KLC1: variants seen among roughly 807,000 people sequenced by gnomAD.
KLC1 encodes kinesin light chain 1, also known as kinesin 2 60/70kDa.
KLC1 carries 30 observed loss-of-function variants against 84.2 expected under a neutral mutation model. The ratio of observed to expected loss-of-function variants is 0.36; its 90% CI spans 0.27 to 0.48. The LOEUF is 0.48. Among genes scored for constraint, KLC1 ranks in the 20% least tolerant of loss-of-function variants. The pLI, the probability that KLC1 is intolerant of heterozygous loss-of-function variation, is 0.99. For synonymous variants in KLC1, 289 were observed against 293.3 expected (o/e 0.99, Z 0.15); for missense variants, 499 against 805.4 (o/e 0.62, Z 4.60).
chr14:103,666,329 C>T (rs1338445145), intron 5 of KLC1, among the ~76,000 whole-genome samples: 2 of 152,096 alleles, frequency 1.3e-5, no homozygotes, highest in Non-Finnish European at 2.9e-5. Context: ...TCCCAAAGTG[C>T]TGGGATTACA....
At chr14:103,698,733 T>G in intron 15 of KLC1, 1 of 1,468,012 alleles carries the variant, frequency 6.8e-7, no homozygotes, top group Non-Finnish European at 9.3e-7. Flanking sequence ...GCAGACGCGT[T>G]TTAAAGGCCC....
intron 1 of KLC1, among the ~76,000 whole-genome samples, chr14:103,642,783 T>C (rs1333388641): frequency 1.3e-5 from 2 of 151,550 alleles, no homozygotes; most frequent in Non-Finnish European, 3.0e-5. Flanking sequence ...TTTTTTTTTT[T>C]TTGAGACGGA....
chr14:103,688,610 C>T (rs987439652), intron 14 of KLC1, among the ~76,000 whole-genome samples: 2 of 152,216 alleles, frequency 1.3e-5, no homozygotes, highest in Non-Finnish European at 2.9e-5. Flanking sequence ...GGCTCACCCT[C>T]TTGTCCGCTT....
intron 7 of KLC1, among the ~76,000 whole-genome samples, chr14:103,672,025 A>T (rs1437593527): frequency 6.6e-6 from 1 of 152,186 alleles, no homozygotes; most frequent in African/African-American, 2.4e-5. Flanking sequence ...AGTTCCTCCC[A>T]CTAGGACACA....
intron 13 of KLC1, 66 bp from the exon 14 acceptor site, chr14:103,687,015 G>C (rs907868609): frequency 4.4e-6 from 6 of 1,376,844 alleles, no homozygotes; most frequent in Non-Finnish European, 4.0e-6. Context: ...ATTTGCACCC[G>C]GTGTGGCTCT....
In KLC1 at chr14:103,694,081, G is replaced by C. The variant is rs1208272279; in HGVS notation, c.1848+1656G>C. 1 of 986,774 alleles carries C rather than the reference G, an allele frequency of 1.0e-6. No homozygotes were observed. Among genetic ancestry groups the C allele is most frequent in the African/African-American group, 1.7e-5 (1 of 57,270 alleles). The allele number at this position is 986,774 out of a possible 1,614,324, so 61.1% of individuals were successfully genotyped here. A position where few individuals can be genotyped will look rare whatever the true frequency, so the allele number is the denominator to read the frequency against. On this transcript the variant is annotated intron_variant, in intron 15 of 16. Transcript: ENST00000334553. The surrounding 1 kb of genome is among the most constrained non-coding windows in gnomAD (Gnocchi z 4.5). Reference sequence around the variant, plus strand: ...GTGATCTATGGCAGTAAAGCCTGAAGCTTAGCGGACACTGGTCAGTGGGAA... The same window carrying C: ...GTGATCTATGGCAGTAAAGCCTGAACCTTAGCGGACACTGGTCAGTGGGAA...
chr14:103,684,673 C>G (rs1270879800), intron 13 of KLC1: 1 of 263,582 alleles, frequency 3.8e-6, no homozygotes, highest in African/African-American at 2.2e-5. Context: ...CAGCTTGCTA[C>G]TCCAGCAGCT....
intron 15 of KLC1, chr14:103,695,716 C>G: frequency 1.0e-6 from 1 of 985,430 alleles, no homozygotes; most frequent in South Asian, 4.7e-5. Context: ...CTCTGTGGAG[C>G]CTGCTGTGGC....
At chr14:103,679,319 C>A in intron 12 of KLC1, 65 bp from the exon 13 acceptor site, 3 of 1,491,534 alleles carry the variant, frequency 2.0e-6, no homozygotes, top group South Asian at 1.2e-5. Flanking sequence ...CGAAGTATCT[C>A]AGAAATACCT....
At chr14:103,681,876 A>G (rs903611873) in intron 13 of KLC1, among the ~76,000 whole-genome samples, 3 of 152,238 alleles carry the variant, frequency 2.0e-5, no homozygotes, top group African/African-American at 7.2e-5. Context: ...AAATATTAAC[A>G]CGGTTCAGGT....
chr14:103,638,456 C>T (rs959669917), intron 1 of KLC1, among the ~76,000 whole-genome samples: 3 of 151,634 alleles, frequency 2.0e-5, no homozygotes, highest in African/African-American at 7.3e-5. Context: ...AATGTATTCT[C>T]TGTTTTGTGC....
chr14:103,662,271 A>G, intron 4 of KLC1, 77 bp downstream of exon 4: 1 of 1,213,262 alleles, frequency 8.2e-7, no homozygotes, highest in Admixed American at 1.7e-5. Flanking sequence ...CATAGCAATC[A>G]GTGGCAGCCT....
intron 2 of KLC1, among the ~76,000 whole-genome samples, chr14:103,656,080 A>C (rs1405296161): frequency 6.6e-6 from 1 of 152,146 alleles, no homozygotes; most frequent in Non-Finnish European, 1.5e-5. Context: ...GGGGACTGAG[A>C]GTGAGCTCCA....
At chr14:103,698,580 G>T in intron 15 of KLC1, 1 of 596,230 alleles carries the variant, frequency 1.7e-6, no homozygotes, top group Non-Finnish European at 3.0e-6. Context: ...AAGCGGGCCT[G>T]TCCCCAGACC....
At chr14:103,645,309 C>CT (rs998613731) in intron 1 of KLC1, among the ~76,000 whole-genome samples, 2 of 151,994 alleles carry the variant, frequency 1.3e-5, no homozygotes, top group Non-Finnish European at 2.9e-5. Context: ...ATTTGCCTGT[C>CT]TTTTTTTTGG....
intron 15 of KLC1, chr14:103,696,675 G>A (rs984657910): frequency 1.6e-5 from 16 of 985,406 alleles, no homozygotes; most frequent in African/African-American, 1.7e-5. Flanking sequence ...CTGTCTCAGG[G>A]CTGATATGTA....
chr14:103,668,139 A>T (rs1309614915), intron 5 of KLC1, among the ~76,000 whole-genome samples: 6 of 152,218 alleles, frequency 3.9e-5, no homozygotes, highest in African/African-American at 1.4e-4. Context: ...TGCTTTGTAG[A>T]TGGGAAGGCT....
At chr14:103,682,060 G>A (rs1394386008) in intron 13 of KLC1, among the ~76,000 whole-genome samples, 1 of 152,046 alleles carries the variant, frequency 6.6e-6, no homozygotes, top group African/African-American at 2.4e-5. Flanking sequence ...AGAGACATAG[G>A]TGTTGAGGTA....
At chr14:103,697,267 CATG>C (rs571540769) in intron 15 of KLC1, 1 of 323,380 alleles carries the variant, frequency 3.1e-6, no homozygotes, top group South Asian at 1.2e-4. Flanking sequence ...GCCTTGATAA[CATG>C]ATGAAGGTTT....
Sources: allele counts gnomAD v4.1 joint callset (sites outside exome capture counted in the v4.1 genomes callset), GRCh38; gene constraint gnomAD v4.1.1; non-coding constraint Gnocchi (gnomAD v3.1); transcripts MANE v1.5; gene names NCBI Gene and HGNC (gene_info 2026-07-23, HGNC 2026-07-21).